The following SPTBN1 variants were observed in gnomAD, a reference collection of about 807,000 sequenced individuals.
SPTBN1 encodes the protein spectrin beta chain, non-erythrocytic 1.
SPTBN1 carries 32 observed loss-of-function variants against 266.4 expected under a neutral mutation model. That is an observed-to-expected ratio of 0.12 (90% CI 0.09 to 0.16). The LOEUF is 0.16. SPTBN1 is among the 10% of genes least tolerant of loss of function. The pLI is 1.00. For missense variants in SPTBN1, 2,296 were observed against 3,067.1 expected, an observed-to-expected ratio of 0.75 and a Z score of 5.94; for synonymous variants, 1,336 against 1,162.2, an observed-to-expected ratio of 1.15 and a Z score of -3.04.
In SPTBN1 at chr2:54,632,729, C is replaced by T. The variant is rs747938175; in HGVS notation, c.3728C>T (p.Ser1243Leu). 5 of 1,614,090 alleles carry T rather than the reference C, an allele frequency of 3.1e-6. No homozygotes were observed. The highest frequency in any genetic ancestry group is 4.2e-6 in the Non-Finnish European group (5 of 1,180,052). ...CTGGTGAGCGATGGGAACATCAACT[C>T]AGATCGCATCCAGGAGAAGGTGGAC... is the stretch of plus-strand genomic sequence containing the variant. Reference protein sequence around the residue: ...RRLVSDGNINSDRIQEKVDSI... With the variant: ...RRLVSDGNINLDRIQEKVDSI... The change falls in exon 17 of 36, where the codon TCA becomes TTA. Residue 1243 changes from serine to leucine, a missense_variant. This residue lies in a region of SPTBN1 where 386 missense variants were observed against 486.1 expected (regional missense o/e 0.79). Coordinates refer to ENST00000356805, the MANE Select transcript of SPTBN1 (RefSeq NM_003128.3).
intron 1 of SPTBN1, among the ~76,000 whole-genome samples, chr2:54,484,304 G>A (rs1181303888): frequency 6.6e-6 from 1 of 152,188 alleles, no homozygotes; most frequent in Non-Finnish European, 1.5e-5. Context: ...CTTGGGAATT[G>A]TGTTTATTTT....
Position 54,630,869 on chromosome 2 carries a change from G to T in SPTBN1, c.2822G>T (p.Arg941Ile). 6.3e-7 allele frequency: 1 copy of T among 1,592,306 alleles called. No homozygotes were observed. The highest frequency in any genetic ancestry group is 8.6e-7 in the Non-Finnish European group (1 of 1,167,554). The part of the protein sequence containing the change: ...DKLNTRWSQF[R>I]ELVDRKKDAL... ...TGCACTCACAGGTGGAGCCAGTTCA[G>T]AGAACTGGTTGACAGGAAGAAGGAT... Residue 941 changes from arginine (R) to isoleucine (I), a missense_variant, in exon 16 of 36, where the codon AGA (arginine) becomes ATA (isoleucine). Coordinates refer to ENST00000356805, the MANE Select transcript of SPTBN1 (RefSeq NM_003128.3).
At chr2:54,483,717 G>A (rs190551657) in intron 1 of SPTBN1, among the ~76,000 whole-genome samples, 13 of 152,352 alleles carry the variant, frequency 8.5e-5, no homozygotes, top group Middle Eastern at 3.4e-3. Flanking sequence ...AGGCACTTGG[G>A]TGATTTAGGG....
chr2:54,463,309 A>G (rs992498248), intron 1 of SPTBN1, among the ~76,000 whole-genome samples: 4 of 152,264 alleles, frequency 2.6e-5, no homozygotes, highest in Admixed American at 6.5e-5. Flanking sequence ...TTTGGTGATG[A>G]TGACAAATAG....
intron 1 of SPTBN1, among the ~76,000 whole-genome samples, chr2:54,464,749 G>T (rs961643660): frequency 1.3e-5 from 2 of 152,120 alleles, no homozygotes; most frequent in African/African-American, 2.4e-5. Flanking sequence ...GAGTGCATTG[G>T]CACGAACATG....
chr2:54,458,803 A>T (rs115907461), intron 1 of SPTBN1, among the ~76,000 whole-genome samples: 1 of 152,232 alleles, frequency 6.6e-6, no homozygotes, highest in Non-Finnish European at 1.5e-5. Context: ...GGAAATTTCA[A>T]TATGCTAGTT....
intron 16 of SPTBN1, among the ~76,000 whole-genome samples, chr2:54,632,301 C>G (rs1278897859): frequency 6.6e-6 from 1 of 152,094 alleles, no homozygotes; most frequent in Non-Finnish European, 1.5e-5. Flanking sequence ...TGAGAGGACC[C>G]TTGAGGCTGA....
intron 32 of SPTBN1, chr2:54,663,607 T>A (rs1489153127): frequency 6.6e-6 from 1 of 152,276 alleles, no homozygotes; most frequent in East Asian, 1.9e-4. Flanking sequence ...TGGCTGTCTC[T>A]GGGCTTTCTC....
chr2:54,662,227 T>C, intron 32 of SPTBN1: 1 of 985,478 alleles, frequency 1.0e-6, no homozygotes, highest in Non-Finnish European at 1.2e-6. Flanking sequence ...CTGTGATTGC[T>C]TTTGATGTGT....
intron 2 of SPTBN1, among the ~76,000 whole-genome samples, chr2:54,564,981 C>G (rs1673569932): frequency 6.6e-6 from 1 of 152,202 alleles, no homozygotes; most frequent in South Asian, 2.1e-4. Context: ...TATAGACTCC[C>G]TTATTGCTGT....
intron 2 of SPTBN1, among the ~76,000 whole-genome samples, chr2:54,582,563 CAAAAA>C (rs1208471911): frequency 1.3e-5 from 1 of 76,468 alleles, no homozygotes; most frequent in African/African-American, 4.5e-5. Context: ...GACTCCGTCT[CAAAAA>C]AAAAAAAAAA....
chr2:54,523,655 C>T (rs73934323), intron 1 of SPTBN1, among the ~76,000 whole-genome samples: 6,066 of 152,242 alleles, frequency 0.04, 339 homozygotes, highest in African/African-American at 0.13. Flanking sequence ...ATTTCAAGCA[C>T]GATAAATGTT....
intron 16 of SPTBN1, among the ~76,000 whole-genome samples, chr2:54,632,026 G>A (rs532329382): frequency 3.0e-4 from 45 of 150,378 alleles, no homozygotes; most frequent in African/African-American, 1.1e-3. Context: ...GAAGTTAGCC[G>A]TGATCGTGCC....
chr2:54,622,090 C>T (rs1226542761), intron 8 of SPTBN1, among the ~76,000 whole-genome samples: 1 of 152,102 alleles, frequency 6.6e-6, no homozygotes, highest in African/African-American at 2.4e-5. Context: ...GCTGTCATTG[C>T]TCACAAATAA....
At chr2:54,610,628 C>G (rs181864049) in intron 3 of SPTBN1, among the ~76,000 whole-genome samples, 10 of 152,346 alleles carry the variant, frequency 6.6e-5, no homozygotes, top group African/African-American at 2.4e-4. Context: ...GTCTTTGCAT[C>G]TGCTGGTGTA....
intron 1 of SPTBN1, among the ~76,000 whole-genome samples, chr2:54,472,575 A>G (rs1248082652): frequency 6.6e-6 from 1 of 152,000 alleles, no homozygotes; most frequent in Non-Finnish European, 1.5e-5. Context: ...TTTTTTCAAT[A>G]GAAAGGCTTG....
At position 54,477,787 on chromosome 2, in the gene SPTBN1, C is replaced by T. The variant is rs544212442; in HGVS notation, c.-48+21269C>T. On this transcript the variant is annotated intron_variant, in intron 1 of 35. Transcript: ENST00000356805. ...ATTAGCTGGCATGGTGGCGGGTGCC[C>T]GTTATCCCAGCTACTCAGGAGGCTG... Among the ~76,000 whole-genome samples, 16 of 152,096 alleles carry T rather than the reference C, an allele frequency of 1.1e-4. No homozygotes were observed. The South Asian group carries it at 2.7e-3, about 26-fold the overall frequency.
intron 10 of SPTBN1, among the ~76,000 whole-genome samples, chr2:54,624,070 C>G (rs892783568): frequency 4.1e-4 from 62 of 152,306 alleles, no homozygotes; most frequent in Admixed American, 3.4e-3. Context: ...TTATTTCCAA[C>G]TAGAAAGAAA....
intron 2 of SPTBN1, among the ~76,000 whole-genome samples, chr2:54,559,974 T>C (rs1347684348): frequency 6.6e-6 from 1 of 152,146 alleles, no homozygotes; most frequent in Non-Finnish European, 1.5e-5. Flanking sequence ...ATGACACTTC[T>C]CTGGAAAACG....
Sources: allele counts gnomAD v4.1 joint callset (sites outside exome capture counted in the v4.1 genomes callset), GRCh38; gene constraint gnomAD v4.1.1; regional missense constraint gnomAD v4.1.1; transcripts MANE v1.5; gene names NCBI Gene and HGNC (gene_info 2026-07-23, HGNC 2026-07-21).